CNTN4: variants seen among roughly 807,000 people sequenced by gnomAD.
CNTN4 encodes the protein contactin 4, also known as contactin-4.
In CNTN4, 77 loss-of-function variants were observed where a neutral mutation model predicts 122.5. The observed-to-expected ratio is 0.63, with a 90% CI of 0.52 to 0.76. CNTN4 has a LOEUF of 0.76. Among genes scored for constraint, CNTN4 ranks in the 30% least tolerant of loss-of-function variants. The pLI, the probability that CNTN4 is intolerant of heterozygous loss-of-function variation, is 0.00. For missense variants in CNTN4, 1,256 were observed against 1,259.1 expected (o/e 1.00, Z 0.04); for synonymous variants, 512 against 447.0 (o/e 1.15, Z -1.83).
chr3:2,820,354 G>T (rs542507172), intron 7 of CNTN4, among the ~76,000 whole-genome samples: 60 of 152,296 alleles, frequency 3.9e-4, no homozygotes, highest in Admixed American at 3.5e-3. Context: ...TAAACATATA[G>T]AGAGAGTGAG....
intron 4 of CNTN4, among the ~76,000 whole-genome samples, chr3:2,611,176 C>T (rs1371943882): frequency 6.6e-6 from 1 of 151,696 alleles, no homozygotes; most frequent in Non-Finnish European, 1.5e-5. Flanking sequence ...GGACTTCAAA[C>T]TCTTTGCCTC....
chr3:2,138,066 CT>C (rs374358543), intron 2 of CNTN4, among the ~76,000 whole-genome samples: 5,089 of 135,906 alleles, frequency 0.037, 215 homozygotes, highest in East Asian at 0.23. Context: ...TCTTCTTCTT[CT>C]TTTTTTTTTT....
chr3:2,358,901 C>A (rs190846334), intron 3 of CNTN4, among the ~76,000 whole-genome samples: 321 of 152,198 alleles, frequency 2.1e-3, no homozygotes, highest in Non-Finnish European at 2.4e-3. Flanking sequence ...CCGGTGCAGG[C>A]TGTGTATGCA....
intron 4 of CNTN4, among the ~76,000 whole-genome samples, chr3:2,578,747 G>A (rs1025673455): frequency 6.6e-6 from 1 of 152,080 alleles, no homozygotes; most frequent in East Asian, 1.9e-4. Flanking sequence ...CGAAGCCAAA[G>A]CCTGGGTTTC....
At chr3:2,854,921 A>G (rs2093602087) in intron 7 of CNTN4, among the ~76,000 whole-genome samples, 1 of 152,196 alleles carries the variant, frequency 6.6e-6, no homozygotes, top group African/African-American at 2.4e-5. Flanking sequence ...CTTAGCTTAA[A>G]GTAAGAAGAC....
At chr3:2,468,586 A>G (rs1211012316) in intron 3 of CNTN4, among the ~76,000 whole-genome samples, 1 of 152,138 alleles carries the variant, frequency 6.6e-6, no homozygotes, top group Non-Finnish European at 1.5e-5. Flanking sequence ...CAGAATACCT[A>G]CCTTAAATAA....
At chr3:2,999,270 C>T (rs1695815897) in intron 14 of CNTN4, 1 of 152,164 alleles carries the variant, frequency 6.6e-6, no homozygotes, top group Non-Finnish European at 1.5e-5. Flanking sequence ...CTATCTCCTG[C>T]TCCTCAAAAT....
chr3:2,469,573 T>G (rs2075615259), intron 3 of CNTN4, among the ~76,000 whole-genome samples: 1 of 152,216 alleles, frequency 6.6e-6, no homozygotes, highest in Admixed American at 6.5e-5. Flanking sequence ...TAGAGGAATA[T>G]TCTAACACTG....
At position 2,902,882 on chromosome 3, in the gene CNTN4, A is replaced by C. The variant is rs745381317; in HGVS notation, c.1084A>C (p.Ile362Leu). 13 of 1,613,228 alleles carry C rather than the reference A, an allele frequency of 8.1e-6. No individual in the cohort carries two copies. Among genetic ancestry groups the C allele is most frequent in the Middle Eastern group, 1.6e-4 (1 of 6,078 alleles). ...TTCCTCTTTTCTTTCACAGGATAGA[A>C]TTCAAATTGAGCAAGGAACACTCAA... ...NGEPLLTRDR[I>L]QIEQGTLNIT... The change falls in exon 12 of 25, where the codon ATT becomes CTT. Residue 362 changes from isoleucine to leucine, a missense_variant. By Grantham distance (5) the Ile-to-Leu change is conservative. Transcript: ENST00000418658.
intron 2 of CNTN4, among the ~76,000 whole-genome samples, chr3:2,294,288 C>CTTTTTTTTT (rs71058604): frequency 9.6e-5 from 13 of 135,608 alleles, no homozygotes; most frequent in African/African-American, 3.5e-4. Flanking sequence ...AGAGTTGTGA[C>CTTTTTTTTT]TTTTTTTTTT....
intron 13 of CNTN4, among the ~76,000 whole-genome samples, chr3:2,937,588 G>C (rs1424165483): frequency 1.3e-5 from 2 of 152,206 alleles, no homozygotes; most frequent in African/African-American, 4.8e-5. Context: ...GGGAAGGAAA[G>C]AGAAGACAGC....
chr3:2,774,252 C>A (rs940904671), intron 6 of CNTN4, among the ~76,000 whole-genome samples: 4 of 151,930 alleles, frequency 2.6e-5, no homozygotes, highest in Admixed American at 6.6e-5. Flanking sequence ...CAGAGCGAGA[C>A]TCCATCTCAA....
At chr3:2,111,611 A>T (rs1388684476) in intron 2 of CNTN4, among the ~76,000 whole-genome samples, 4 of 152,170 alleles carry the variant, frequency 2.6e-5, no homozygotes, top group African/African-American at 9.6e-5. Context: ...AGTGATTCAT[A>T]TCCTGTCTCT....
At chr3:2,864,548 G>A (rs950634254) in intron 7 of CNTN4, among the ~76,000 whole-genome samples, 1 of 151,808 alleles carries the variant, frequency 6.6e-6, no homozygotes, top group African/African-American at 2.4e-5. Flanking sequence ...AGACCAGCCT[G>A]GCCAACATGG....
chr3:2,761,695 T>C (rs2090599454), intron 6 of CNTN4, among the ~76,000 whole-genome samples: 1 of 152,148 alleles, frequency 6.6e-6, no homozygotes, highest in South Asian at 2.1e-4. Context: ...TGGTACATAG[T>C]AGATGTTCAG....
chr3:2,811,357 G>A (rs2092603953), intron 6 of CNTN4, among the ~76,000 whole-genome samples: 1 of 148,648 alleles, frequency 6.7e-6, no homozygotes, highest in African/African-American at 2.5e-5. Context: ...GCAGTGAGCT[G>A]AGATCACACC....
chr3:2,592,730 G>T (rs1282958139), intron 4 of CNTN4, among the ~76,000 whole-genome samples: 1 of 152,134 alleles, frequency 6.6e-6, no homozygotes, highest in Non-Finnish European at 1.5e-5. Context: ...CCCATCTTGG[G>T]CATGTCTTCA....
At chr3:2,924,783 G>T (rs139913713) in intron 12 of CNTN4, among the ~76,000 whole-genome samples, 1 of 152,150 alleles carries the variant, frequency 6.6e-6, no homozygotes, top group South Asian at 2.1e-4. Flanking sequence ...GGCACTTGCA[G>T]TGAAAAGCTA....
chr3:2,590,255 T>C (rs2080404330), intron 4 of CNTN4, among the ~76,000 whole-genome samples: 1 of 152,074 alleles, frequency 6.6e-6, no homozygotes, highest in African/African-American at 2.4e-5. Flanking sequence ...ACCTTTCTTC[T>C]TTTTTTGTTG....
Sources: gnomAD v4.1 joint callset for allele counts (sites outside exome capture counted in the v4.1 genomes callset) on GRCh38, gnomAD v4.1.1 for gene constraint, MANE v1.5 for transcripts, NCBI Gene and HGNC (gene_info 2026-07-23, HGNC 2026-07-21) for gene names.